ZRSR2: variants seen among roughly 807,000 people sequenced by gnomAD.
The protein encoded by ZRSR2 is U2 small nuclear ribonucleoprotein auxiliary factor 35 kDa subunit-related protein 2.
A neutral mutation model predicts 39.4 loss-of-function variants in ZRSR2; 3 were observed. The ratio of observed to expected loss-of-function variants is 0.08; its 90% CI spans 0.03 to 0.20. The LOEUF (loss-of-function observed/expected upper bound fraction) is 0.20, where lower values mean the gene tolerates loss of function less well. Among genes scored for constraint, ZRSR2 ranks in the 10% least tolerant of loss-of-function variants. The pLI is 1.00. For synonymous variants in ZRSR2, 137 were observed against 136.0 expected (o/e 1.01, Z -0.05); for missense variants, 256 against 391.5 (o/e 0.65, Z 2.92).
intron 2 of ZRSR2, among the ~76,000 whole-genome samples, chrX:15,794,447 A>T (rs780289071): frequency 8.9e-6 from 1 of 111,890 alleles, no homozygotes; most frequent in East Asian, 2.8e-4. Flanking sequence ...GTTGATTAAC[A>T]CATACTTTGT....
intron 10 of ZRSR2, among the ~76,000 whole-genome samples, chrX:15,820,946 G>A: frequency 9.0e-6 from 1 of 111,694 alleles, no homozygotes; most frequent in East Asian, 2.8e-4. Context: ...GCCTAGTTAT[G>A]TTCTGATTTC....
intron 7 of ZRSR2, among the ~76,000 whole-genome samples, chrX:15,812,385 G>A (rs185043685): frequency 6.9e-4 from 78 of 112,275 alleles, no homozygotes; most frequent in Middle Eastern, 9.2e-3. Flanking sequence ...CATCCCTTTA[G>A]ACAAGTAGAC....
In ZRSR2 at chrX:15,821,676, G is replaced by A. The variant is rs534740629; in HGVS notation, c.938-1055G>A. On this transcript the variant is annotated intron_variant, in intron 10 of 10. Coordinates refer to ENST00000307771, the MANE Select transcript of ZRSR2 (RefSeq NM_005089.4). ...TCTAGGATGACATTGCTTAGCCCAG[G>A]GTCACAAAGATTTACTTGTATGTTT... Among the ~76,000 whole-genome samples the A allele has an allele frequency of 3.7e-5, 4 of 109,512 alleles. No homozygotes were observed. In the South Asian group the frequency reaches 1.2e-3, roughly 32 times the overall value.
chrX:15,794,311 G>C (rs1932377571), intron 2 of ZRSR2, among the ~76,000 whole-genome samples: 1 of 110,735 alleles, frequency 9.0e-6, no homozygotes, highest in African/African-American at 3.3e-5. Context: ...CAATGTGGGA[G>C]TTAGGGGACT....
chrX:15,801,997 A>G (rs775768675), intron 3 of ZRSR2, among the ~76,000 whole-genome samples: 4 of 111,997 alleles, frequency 3.6e-5, no homozygotes, highest in Non-Finnish European at 7.5e-5. Context: ...GTTCATTTAT[A>G]TACAATTATA....
At position 15,797,508 on chromosome X, in the gene ZRSR2, C is replaced by T. The variant is rs1007852360; in HGVS notation, c.122-2364C>T. On this transcript the variant is annotated intron_variant, in intron 2 of 10. Transcript: ENST00000307771. The stretch of plus-strand genomic sequence containing the variant: ...TCCAGGCATGAGCCACCACGCCCAG[C>T]TCTGCATTAACGTTTTATAATAGAT... Among the ~76,000 whole-genome samples the T allele has an allele frequency of 3.6e-5, 4 of 112,384 alleles. No homozygotes were observed. The Admixed American group carries it at 3.8e-4, about 11-fold the overall frequency.
intron 6 of ZRSR2, 100 bp downstream of exon 6, chrX:15,808,371 A>G: frequency 1.4e-6 from 1 of 738,906 alleles, no homozygotes; most frequent in Admixed American, 3.0e-5. Flanking sequence ...TAGTTAGATC[A>G]TGTTTGGATA....
At chrX:15,817,897 A>G (rs964415926) in intron 8 of ZRSR2, among the ~76,000 whole-genome samples, 3 of 112,559 alleles carry the variant, frequency 2.7e-5, no homozygotes, top group African/African-American at 9.7e-5. Flanking sequence ...TTGAAAAAAG[A>G]ATATGGAATA....
chrX:15,803,963 A>G, intron 4 of ZRSR2, 148 bp from the exon 5 acceptor site: 1 of 919,418 alleles, frequency 1.1e-6, no homozygotes, highest in Non-Finnish European at 1.5e-6. Context: ...AAAAAAAAAG[A>G]GTTGCCTATC....
chrX:15,798,649 C>G (rs1932559026), intron 2 of ZRSR2, among the ~76,000 whole-genome samples: 1 of 111,522 alleles, frequency 9.0e-6, no homozygotes, highest in African/African-American at 3.3e-5. Context: ...TCAATGGTAT[C>G]ATATACAGGC....
rs769132407 is a variant in ZRSR2, at chrX:15,808,148, C to G, written c.400-85C>G. 17 of 815,404 alleles carry G rather than the reference C, an allele frequency of 2.1e-5. No homozygotes were observed. In the South Asian group the frequency reaches 3.6e-4, roughly 17 times the overall value. The allele number at this position is 815,404 out of a possible 1,213,427, so 67.2% of individuals were successfully genotyped here. A position where few individuals can be genotyped will look rare whatever the true frequency, so the allele number is the denominator to read the frequency against. On this transcript the variant is annotated intron_variant, in intron 5 of 10. Coordinates refer to ENST00000307771, the MANE Select transcript of ZRSR2 (RefSeq NM_005089.4). ...TGTGCGTGTGTGTGTTTTAATTGTT[C>G]CACTTGAGATTCTTAACCAGAGAAA...
chrX:15,790,937 C>T lies in ZRSR2; in HGVS notation c.45C>T (p.His15=). Residue 15 remains histidine, a synonymous_variant, in exon 2 of 11, where the codon CAC becomes CAT. Transcript: ENST00000307771. ...EKMTFPEKPS[H]KKYRAALKKE... ...TGTATATGTCTTAATCTTCCAGCCA[C>T]AAAAAGTACAGGGCCGCCCTGAAGA... 1 of 1,210,676 alleles carries T rather than the reference C, an allele frequency of 8.3e-7. No individual in the cohort carries two copies. The highest frequency in any genetic ancestry group is 1.1e-6 in the Non-Finnish European group (1 of 894,742).
chrX:15,815,962 A>AC, intron 8 of ZRSR2, 72 bp downstream of exon 8: 1 of 923,601 alleles, frequency 1.1e-6, no homozygotes, highest in Non-Finnish European at 1.5e-6. Flanking sequence ...GAGAGCTGGG[A>AC]CACAGGCTCA....
chrX:15,810,402 G>T (rs1490168010), intron 7 of ZRSR2, among the ~76,000 whole-genome samples: 4 of 111,844 alleles, frequency 3.6e-5, no homozygotes, highest in Middle Eastern at 9.2e-3. Context: ...TTCTGCAGAA[G>T]AGAAGATCTA....
intron 2 of ZRSR2, among the ~76,000 whole-genome samples, chrX:15,793,545 GT>G (rs1231697784): frequency 6.6e-5 from 7 of 106,055 alleles, no homozygotes; most frequent in East Asian, 2.9e-4. Context: ...AACACTCCTG[GT>G]TTTTTTTTTT....
intron 6 of ZRSR2, among the ~76,000 whole-genome samples, chrX:15,808,644 G>A (rs759535616): frequency 2.0e-5 from 2 of 99,272 alleles, no homozygotes; most frequent in Non-Finnish European, 4.0e-5. Flanking sequence ...TTTTTGAGAC[G>A]GAGTTTTGCT....
intron 2 of ZRSR2, among the ~76,000 whole-genome samples, chrX:15,797,999 G>A (rs1402012076): frequency 8.9e-6 from 1 of 111,984 alleles, no homozygotes; most frequent in Admixed American, 9.5e-5. Flanking sequence ...GTTCTCTGGC[G>A]CTTTAAGTAC....
chrX:15,821,034 G>A (rs920550373), intron 10 of ZRSR2, among the ~76,000 whole-genome samples: 2 of 112,170 alleles, frequency 1.8e-5, no homozygotes, highest in African/African-American at 6.5e-5. Context: ...CCGTTTACTT[G>A]TGTTTCTTTG....
chrX:15,806,944 G>A (rs1288335619), intron 5 of ZRSR2, among the ~76,000 whole-genome samples: 1 of 111,826 alleles, frequency 8.9e-6, no homozygotes, highest in Non-Finnish European at 1.9e-5. Context: ...TAGACAGATA[G>A]ACTGGCAACA....
Sources: allele counts gnomAD v4.1 joint callset (sites outside exome capture counted in the v4.1 genomes callset), GRCh38; gene constraint gnomAD v4.1.1; transcripts MANE v1.5; gene names NCBI Gene and HGNC (gene_info 2026-07-23, HGNC 2026-07-21).